KAT5: variants seen among roughly 807,000 people sequenced by gnomAD.
KAT5 encodes lysine acetyltransferase 5.
KAT5 carries 31 observed loss-of-function variants against 68.1 expected under a neutral mutation model. The observed-to-expected ratio is 0.46, with a 90% CI of 0.34 to 0.61. KAT5 has a LOEUF of 0.61. KAT5 is among the 20% of genes least tolerant of loss of function. KAT5 has a pLI of 0.01. For missense variants in KAT5, 451 were observed against 725.5 expected, an observed-to-expected ratio of 0.62 and a Z score of 4.35; for synonymous variants, 365 against 292.6, an observed-to-expected ratio of 1.25 and a Z score of -2.52.
intron 10 of KAT5, chr11:65,718,356 T>C: frequency 2.0e-6 from 1 of 489,792 alleles, no homozygotes; most frequent in Non-Finnish European, 3.7e-6. Context: ...CATGGTTGAC[T>C]GCAGCTGCTC....
rs1003594146 is a variant in KAT5 at position 65,713,406 on chromosome 11, G to A, written c.443G>A (p.Arg148His). ...TLPIPVQITL[R>H]FNLPKEREAI... ...CCAATCCCGGTCCAGATCACACTCCGCTTCAACCTGCCCAAGGAGCGGGAG... is the reference window on the plus strand; with the variant it reads ...CCAATCCCGGTCCAGATCACACTCCACTTCAACCTGCCCAAGGAGCGGGAG... The change falls in exon 4 of 13, where the codon CGC (arginine) becomes CAC (histidine). Residue 148 changes from arginine (R) to histidine (H), a missense_variant. Arg to His is a conservative substitution (Grantham distance 29, BLOSUM62 0). This residue lies in a region of KAT5 where 135 missense variants were observed against 173.4 expected (regional missense o/e 0.78). Coordinates refer to ENST00000341318, the MANE Select transcript of KAT5 (RefSeq NM_182710.3). 5.0e-6 allele frequency: 8 copies of A among 1,613,898 alleles called. No individual in the cohort carries two copies. Among genetic ancestry groups the A allele is most frequent in the Non-Finnish European group, 5.9e-6 (7 of 1,179,966 alleles).
chr11:65,715,068 C>T, intron 8 of KAT5, 158 bp downstream of exon 8: 1 of 662,846 alleles, frequency 1.5e-6, no homozygotes, highest in Non-Finnish European at 2.7e-6. Flanking sequence ...ATGAGACAGT[C>T]TCTGTTCTCT....
At chr11:65,712,570 G>A in intron 1 of KAT5, 125 bp downstream of exon 1, 2 of 1,289,462 alleles carry the variant, frequency 1.6e-6, no homozygotes, top group South Asian at 1.3e-5. Context: ...CTTTGATGAA[G>A]GGGCGTGGCT....
intron 3 of KAT5, 118 bp downstream of exon 3, chr11:65,713,176 A>C (rs1857082065): frequency 2.8e-6 from 4 of 1,424,462 alleles, no homozygotes; most frequent in Non-Finnish European, 3.9e-6. Flanking sequence ...TTCATCTTGC[A>C]AAGGATGGGG....
In KAT5 at chr11:65,719,385, G is replaced by C; in HGVS notation, c.*204G>C. The C allele has an allele frequency of 1.5e-6, 1 of 651,148 alleles. No homozygotes were observed. Among genetic ancestry groups the C allele is most frequent in the Non-Finnish European group, 2.6e-6 (1 of 383,596 alleles). The allele number at this position is 651,148 out of a possible 1,614,324, so 40.3% of individuals were successfully genotyped here. A position where few individuals can be genotyped will look rare whatever the true frequency, so the allele number is the denominator to read the frequency against. ...CTCAGACCAACTCCAAGGTCAGCTG[G>C]CCACAGGCCCAGGCCTCCTCTGAAG... On this transcript the variant is annotated 3_prime_UTR_variant, in exon 13 of 13. Coordinates refer to ENST00000341318, the MANE Select transcript of KAT5 (RefSeq NM_182710.3).
chr11:65,716,445 T>G (rs2135636182), intron 8 of KAT5: 3 of 570,550 alleles, frequency 5.3e-6, no homozygotes, highest in South Asian at 4.2e-5. Context: ...AGGGAGGCAC[T>G]CAGACACCAT....
Position 65,713,769 on chromosome 11 carries a change from G to C in KAT5, c.616-5G>C. The C allele has an allele frequency of 6.2e-7, 1 of 1,612,876 alleles. No homozygotes were observed. Among genetic ancestry groups the C allele is most frequent in the Non-Finnish European group, 8.5e-7 (1 of 1,179,520 alleles). On this transcript the variant is annotated splice_polypyrimidine_tract_variant and splice_region_variant and intron_variant, in intron 5 of 12. Coordinates refer to ENST00000341318, the MANE Select transcript of KAT5 (RefSeq NM_182710.3). ...CCATCCCTTCTTTTCCTACTATCTCGGCAGAATGGAGCCGCCCGTAGGGCA... is the reference window on the plus strand; with the variant it reads ...CCATCCCTTCTTTTCCTACTATCTCCGCAGAATGGAGCCGCCCGTAGGGCA...
intron 3 of KAT5, 103 bp downstream of exon 3, chr11:65,713,161 C>G: frequency 4.1e-6 from 6 of 1,467,406 alleles, no homozygotes; most frequent in East Asian, 2.3e-5. Flanking sequence ...CCCTCTCACC[C>G]TGACTTCATC....
chr11:65,714,894 A>T lies in KAT5; in HGVS notation c.1013A>T (p.Asp338Val). The change falls in exon 8 of 13, where the codon GAT becomes GTT. Residue 338 changes from aspartate (D) to valine (V), a missense_variant. Coordinates refer to ENST00000341318, the MANE Select transcript of KAT5 (RefSeq NM_182710.3). Reference sequence around the variant, plus strand: ...GGCACCATCTCCTTCTTTGAGATTGATGGACGTAAGAACAAGGTTAGTGCT... The same window carrying T: ...GGCACCATCTCCTTCTTTGAGATTGTTGGACGTAAGAACAAGGTTAGTGCT... ...RKGTISFFEI[D>V]GRKNKSYSQN... The T allele has an allele frequency of 6.2e-7, 1 of 1,614,116 alleles. No individual in the cohort carries two copies.
Position 65,714,698 on chromosome 11 carries a change from C to T in KAT5, c.894C>T (p.Phe298=). The change falls in exon 7 of 13, where the codon TTC becomes TTT. Residue 298 remains phenylalanine, a synonymous_variant. Transcript: ENST00000341318. ...TGCCTGTCCTCTACCTGTGCGAGTT[C>T]TGCCTCAAGTACGGCCGTAGTCTCA... The part of the protein sequence containing the change: ...TTLPVLYLCE[F]CLKYGRSLKC... The T allele has an allele frequency of 6.2e-6, 10 of 1,614,232 alleles. No individual in the cohort carries two copies. The highest frequency in any genetic ancestry group is 6.8e-6 in the Non-Finnish European group (8 of 1,180,050).
Position 65,712,293 on chromosome 11 carries a change from C to T in KAT5, c.26C>T (p.Pro9Leu), listed in dbSNP as rs750103112. The stretch of plus-strand genomic sequence containing the variant: ...ATGGCGGAGGTGGTGAGTCCGGTGC[C>T]CGGGGCGGGGCGGAGGGAGCCAGGG... The part of the protein sequence containing the change: MAEVVSPV[P>L]GAGRREPGEV... The change falls in exon 1 of 13, where the codon CCC (proline) becomes CTC (leucine). Residue 9 changes from proline to leucine, a missense_variant. By Grantham distance (98) the Pro-to-Leu change is moderately conservative. This residue lies in a region of KAT5 where 104 missense variants were observed against 107.3 expected (regional missense o/e 0.97). Transcript: ENST00000341318. 1.4e-6 allele frequency: 2 copies of T among 1,446,174 alleles called. No homozygotes were observed. The highest frequency in any genetic ancestry group is 1.5e-5 in the African/African-American group (1 of 67,726). 89.6% of individuals were successfully genotyped at this position (1,446,174 alleles called of 1,614,324 possible). A position where few individuals can be genotyped will look rare whatever the true frequency, so the allele number is the denominator to read the frequency against.
At chr11:65,715,096 G>C in intron 8 of KAT5, 186 bp downstream of exon 8, 1 of 617,386 alleles carries the variant, frequency 1.6e-6, no homozygotes, top group East Asian at 2.8e-5. Context: ...TAGTCCATGG[G>C]AGAGACAGTC....
At chr11:65,716,474 G>A in intron 8 of KAT5, 193 bp from the exon 9 acceptor site, 2 of 597,890 alleles carry the variant, frequency 3.3e-6, no homozygotes, top group East Asian at 2.8e-5. Flanking sequence ...TGGCACACAG[G>A]CTTTTCAACA....
chr11:65,719,243 C>A lies in KAT5; in HGVS notation c.*62C>A. On this transcript the variant is annotated 3_prime_UTR_variant, in exon 13 of 13. Coordinates refer to ENST00000341318, the MANE Select transcript of KAT5 (RefSeq NM_182710.3). ...GGACTGGGGCTGATAGCCCACCCCG[C>A]CCCCACTGCAGCTCCCACAAAGCAC... The A allele has an allele frequency of 6.4e-7, 1 of 1,573,470 alleles. No individual in the cohort carries two copies. The highest frequency in any genetic ancestry group is 1.3e-5 in the African/African-American group (1 of 74,470).
In KAT5 at chr11:65,714,381, C is replaced by T. The variant is rs4645918; in HGVS notation, c.691-114C>T. The stretch of plus-strand genomic sequence containing the variant: ...TATCTGGAAATTGGGGATCATGGTA[C>T]CTCCCCCTTAGGGTTGCTGTTAGGC... On this transcript the variant is annotated intron_variant, in intron 6 of 12. Coordinates refer to ENST00000341318, the MANE Select transcript of KAT5 (RefSeq NM_182710.3). 1,624 of 1,187,496 alleles carry T rather than the reference C, an allele frequency of 1.4e-3. 11 individuals carry two copies. The highest frequency in any genetic ancestry group is 6.2e-3 in the South Asian group (432 of 69,220). 73.6% of individuals were successfully genotyped at this position (1,187,496 alleles called of 1,614,324 possible). A position where few individuals can be genotyped will look rare whatever the true frequency, so the allele number is the denominator to read the frequency against.
chr11:65,712,680 C>A, intron 1 of KAT5, 86 bp from the exon 2 acceptor site: 1 of 1,500,726 alleles, frequency 6.7e-7, no homozygotes, highest in Non-Finnish European at 9.3e-7. Flanking sequence ...CTTAGGGATC[C>A]GGCCTGGGGG....
Position 65,719,603 on chromosome 11 carries a change from C to T in KAT5, c.*422C>T, listed in dbSNP as rs563118937. On this transcript the variant is annotated 3_prime_UTR_variant, in exon 13 of 13. Coordinates refer to ENST00000341318, the MANE Select transcript of KAT5 (RefSeq NM_182710.3). ...CCGGCAATAAATTGTTTCTATATGC[C>T]AGAGCCATGCAAAGTTCTTGGTGGG... 1.4e-6 allele frequency: 1 copy of T among 727,372 alleles called. No homozygotes were observed. The highest frequency in any genetic ancestry group is 1.8e-5 in the African/African-American group (1 of 56,904). 45.1% of individuals were successfully genotyped at this position (727,372 alleles called of 1,614,324 possible).
At position 65,712,318 on chromosome 11, in the gene KAT5, G is replaced by A. The variant is rs1284072776; in HGVS notation, c.51G>A (p.Gly17=). 2 of 1,491,222 alleles carry A rather than the reference G, an allele frequency of 1.3e-6. No individual in the cohort carries two copies. Among genetic ancestry groups the A allele is most frequent in the African/African-American group, 1.4e-5 (1 of 69,364 alleles). The allele number at this position is 1,491,222 out of a possible 1,614,324, so 92.4% of individuals were successfully genotyped here. The part of the protein sequence containing the change: ...PVPGAGRREP[G]EVGRARGPPV... ...CCGGGGCGGGGCGGAGGGAGCCAGG[G>A]GAGGTGGGTAGAGCCCGAGGCCCCC... is the stretch of plus-strand genomic sequence containing the variant. Residue 17 remains glycine (G), a synonymous_variant, in exon 1 of 13, where the codon GGG becomes GGA. Transcript: ENST00000341318.
In KAT5 at chr11:65,712,812, T is replaced by G. The variant is rs1321197061; in HGVS notation, c.225T>G (p.Leu75=). 2.5e-6 allele frequency: 4 copies of G among 1,614,046 alleles called. No individual in the cohort carries two copies. The highest frequency in any genetic ancestry group is 3.4e-6 in the Non-Finnish European group (4 of 1,179,988). ...TGAAGGACATCAGTGGCCGGAAGCT[T>G]TTCTACGTCCATTACATTGACTGTG... ...LSVKDISGRK[L]FYVHYIDFNK... Residue 75 remains leucine, a synonymous_variant, in exon 2 of 13, where the codon CTT becomes CTG. Transcript: ENST00000341318.
Sources: allele counts gnomAD v4.1 joint callset, GRCh38; gene constraint gnomAD v4.1.1; regional missense constraint gnomAD v4.1.1; transcripts MANE v1.5; gene names NCBI Gene and HGNC (gene_info 2026-07-23, HGNC 2026-07-21).